Variants in AATF observed in about 807,000 individuals in gnomAD.
AATF encodes apoptosis antagonizing transcription factor, also known as protein AATF.
AATF carries 48 observed loss-of-function variants against 63.7 expected under a neutral mutation model. The observed-to-expected ratio is 0.75, with a 90% CI of 0.60 to 0.96. The LOEUF is 0.96. Ranked by LOEUF, AATF falls within the 40% of genes least tolerant of loss-of-function variation. The pLI is 0.00. For synonymous variants in AATF, 258 were observed against 247.7 expected, an observed-to-expected ratio of 1.04 and a Z score of -0.39; for missense variants, 639 against 685.7, an observed-to-expected ratio of 0.93 and a Z score of 0.76.
intron 11 of AATF, among the ~76,000 whole-genome samples, chr17:37,037,829 G>A (rs1424700341): frequency 5.3e-5 from 8 of 152,194 alleles, no homozygotes; most frequent in African/African-American, 1.9e-4. Context: ...CAGTGGTTTA[G>A]CACCATTCCC....
chr17:37,048,743 A>G (rs1241347080), intron 11 of AATF, among the ~76,000 whole-genome samples: 1 of 152,172 alleles, frequency 6.6e-6, no homozygotes. Flanking sequence ...GGCTGCCCCT[A>G]CCACACAGCC....
chr17:37,049,254 T>C (rs1026988764), intron 11 of AATF, among the ~76,000 whole-genome samples: 1 of 152,164 alleles, frequency 6.6e-6, no homozygotes, highest in Non-Finnish European at 1.5e-5. Context: ...CCTTGTTCTA[T>C]TTAACTATTC....
chr17:36,974,212 T>C (rs1345548893), intron 4 of AATF, among the ~76,000 whole-genome samples: 1 of 152,216 alleles, frequency 6.6e-6, no homozygotes, highest in African/African-American at 2.4e-5. Context: ...TCTCAGTGGC[T>C]ATGTACTTAG....
chr17:37,042,603 A>T (rs1470616361), intron 11 of AATF, among the ~76,000 whole-genome samples: 3 of 146,646 alleles, frequency 2.0e-5, no homozygotes, highest in South Asian at 2.2e-4. Context: ...TTTCCTGTAG[A>T]GACGGGGTCT....
In AATF at chr17:37,002,908, T is replaced by G. The variant is rs920758802; in HGVS notation, c.1398+12051T>G. ...CTATCAACATTCCTGTTGCTGTTTT[T>G]TTTTTTTTTTTTTTTTTGCAGAAAT... On this transcript the variant is annotated intron_variant, in intron 8 of 11. Coordinates refer to ENST00000619387, the MANE Select transcript of AATF (RefSeq NM_012138.4). Among the ~76,000 whole-genome samples, 53 of 147,244 alleles carry G rather than the reference T, an allele frequency of 3.6e-4. 1 individual carries two copies. In the South Asian group the frequency reaches 5.1e-3, roughly 14 times the overall value.
intron 11 of AATF, among the ~76,000 whole-genome samples, chr17:37,042,071 T>C (rs988963147): frequency 6.6e-6 from 1 of 152,176 alleles, no homozygotes; most frequent in African/African-American, 2.4e-5. Flanking sequence ...GAATTCTCTA[T>C]ATTATGGCTA....
At chr17:36,990,116 GC>G (rs1413386092) in intron 7 of AATF, among the ~76,000 whole-genome samples, 2 of 151,628 alleles carry the variant, frequency 1.3e-5, no homozygotes, top group Non-Finnish European at 2.9e-5. Context: ...AAATATGGTT[GC>G]CTTTTTTACT....
At chr17:36,950,027 A>C (rs1457082027) in intron 1 of AATF, among the ~76,000 whole-genome samples, 187 bp from the exon 2 acceptor site, 2 of 152,236 alleles carry the variant, frequency 1.3e-5, no homozygotes, top group Admixed American at 6.5e-5. Flanking sequence ...GCCAGGAGTC[A>C]ACTTTCTGTT....
At chr17:37,010,288 A>C (rs188150812) in intron 8 of AATF, among the ~76,000 whole-genome samples, 53 of 152,086 alleles carry the variant, frequency 3.5e-4, no homozygotes, top group African/African-American at 1.2e-3. Flanking sequence ...CCCTGTCCCT[A>C]CTAAAAATAC....
At chr17:37,040,483 AG>A (rs2071628219) in intron 11 of AATF, among the ~76,000 whole-genome samples, 1 of 147,094 alleles carries the variant, frequency 6.8e-6, no homozygotes, top group East Asian at 2.0e-4. Flanking sequence ...AAAAAAAAAC[AG>A]TGATTGATGT....
At position 37,041,459 on chromosome 17, in the gene AATF, G is replaced by T. The variant is rs541735122; in HGVS notation, c.1619+9774G>T. Among the ~76,000 whole-genome samples the T allele has an allele frequency of 3.3e-5, 5 of 152,188 alleles. No homozygotes were observed. In the East Asian group the frequency reaches 9.7e-4, roughly 29 times the overall value. ...AAGTTACATGACTCTTTTCTTTCCA[G>T]CTGAGGCTTATGTCATTTTATCTTT... On this transcript the variant is annotated intron_variant, in intron 11 of 11. Transcript: ENST00000619387.
chr17:36,964,071 T>A (rs2070971156), intron 4 of AATF, among the ~76,000 whole-genome samples: 1 of 151,098 alleles, frequency 6.6e-6, no homozygotes, highest in African/African-American at 2.4e-5. Context: ...AATGAAATAG[T>A]AAAGTATAGG....
intron 10 of AATF, among the ~76,000 whole-genome samples, chr17:37,026,135 C>T (rs2071509629): frequency 6.6e-6 from 1 of 152,180 alleles, no homozygotes; most frequent in African/African-American, 2.4e-5. Context: ...TTGTGAGACA[C>T]TCTACCAAAT....
chr17:36,996,667 A>G (rs2071257305), intron 8 of AATF, among the ~76,000 whole-genome samples: 1 of 152,188 alleles, frequency 6.6e-6, no homozygotes, highest in African/African-American at 2.4e-5. Flanking sequence ...GCCATTGTAT[A>G]TCTGTCAATG....
At chr17:37,036,512 G>T (rs897494780) in intron 11 of AATF, among the ~76,000 whole-genome samples, 3 of 151,956 alleles carry the variant, frequency 2.0e-5, no homozygotes, top group Admixed American at 2.0e-4. Flanking sequence ...CCTGTTGTGT[G>T]GTCTGAGTAG....
chr17:36,951,852 C>T (rs186766961), intron 2 of AATF, among the ~76,000 whole-genome samples: 1 of 152,316 alleles, frequency 6.6e-6, no homozygotes, highest in African/African-American at 2.4e-5. Flanking sequence ...CGCTGAAGAC[C>T]TGTCACGCTT....
intron 6 of AATF, 93 bp from the exon 7 acceptor site, chr17:36,989,152 ATC>A (rs1215330843): frequency 3.8e-5 from 52 of 1,359,744 alleles, no homozygotes; most frequent in Non-Finnish European, 5.0e-5. Flanking sequence ...ATGATTTTCT[ATC>A]TCTCTGCTGA....
intron 11 of AATF, among the ~76,000 whole-genome samples, chr17:37,041,720 G>T (rs1395515175): frequency 2.0e-5 from 3 of 152,188 alleles, no homozygotes; most frequent in South Asian, 2.1e-4. Flanking sequence ...GGCCAGGCTG[G>T]TCGCGAACTC....
chr17:36,974,021 A>G (rs558631975), intron 4 of AATF, among the ~76,000 whole-genome samples: 1 of 151,778 alleles, frequency 6.6e-6, no homozygotes, highest in East Asian at 1.9e-4. Context: ...GTGAGCCAAA[A>G]TCGTGCCACT....
Sources: gnomAD v4.1 joint callset for allele counts (sites outside exome capture counted in the v4.1 genomes callset) on GRCh38, gnomAD v4.1.1 for gene constraint, MANE v1.5 for transcripts, NCBI Gene and HGNC (gene_info 2026-07-23, HGNC 2026-07-21) for gene names.